The following ZNF787 variants were observed in gnomAD, a reference collection of about 807,000 sequenced individuals.
ZNF787 encodes zinc finger protein 787, also known as TTF-I-interacting peptide 20.
ZNF787 carries 7 observed loss-of-function variants against 16.9 expected under a neutral mutation model. The observed-to-expected ratio is 0.42, with a 90% CI of 0.24 to 0.78. The LOEUF (loss-of-function observed/expected upper bound fraction) is 0.78, where lower values mean the gene tolerates loss of function less well. Among genes scored for constraint, ZNF787 ranks in the 30% least tolerant of loss-of-function variants. The pLI, the probability that ZNF787 is intolerant of heterozygous loss-of-function variation, is 0.30. For synonymous variants in ZNF787, 345 were observed against 270.9 expected (o/e 1.27, Z -2.69); for missense variants, 551 against 589.3 (o/e 0.94, Z 0.67).
intron 2 of ZNF787, among the ~76,000 whole-genome samples, chr19:56,095,320 G>A (rs554581983): frequency 1.3e-5 from 2 of 152,312 alleles, no homozygotes; most frequent in African/African-American, 4.8e-5. Context: ...TGGGGACCCT[G>A]TACTAAATGA....
intron 1 of ZNF787, among the ~76,000 whole-genome samples, chr19:56,109,009 G>A (rs1033327280): frequency 4.6e-5 from 7 of 151,760 alleles, no homozygotes; most frequent in African/African-American, 1.7e-4. Context: ...AGAGACCCAC[G>A]CCGGGGAGGT....
Position 56,087,797 on chromosome 19 carries a change from CGGGCCAGGCTGAG to C in ZNF787, c.*213_*225del, listed in dbSNP as rs1313782695. 6.2e-6 allele frequency: 4 copies of C among 647,864 alleles called. No homozygotes were observed. The highest frequency in any genetic ancestry group is 8.6e-6 in the Non-Finnish European group (4 of 465,404). 40.1% of individuals were successfully genotyped at this position (647,864 alleles called of 1,614,324 possible). On this transcript the variant is annotated 3_prime_UTR_variant, in exon 3 of 3. Transcript: ENST00000610935. ...TCGCAGGCCGATAACTTAGGAAGGG[CGGGCCAGGCTGAG>C]GGGGCAGAGTCTCGAGGCGGAGAAG...
intron 2 of ZNF787, chr19:56,101,632 G>A (rs182114033): frequency 3.9e-5 from 6 of 152,296 alleles, no homozygotes; most frequent in Admixed American, 3.3e-4. Flanking sequence ...GCTTCCTGTA[G>A]GGCTTTTTCT....
chr19:56,116,428 T>C (rs992126294), intron 1 of ZNF787, among the ~76,000 whole-genome samples: 1 of 151,592 alleles, frequency 6.6e-6, no homozygotes, highest in African/African-American at 2.4e-5. Context: ...GGCGACGGAG[T>C]GAGATTCTGT....
intron 2 of ZNF787, among the ~76,000 whole-genome samples, chr19:56,097,829 T>TA (rs1985928127): frequency 1.3e-5 from 2 of 151,648 alleles, no homozygotes. Flanking sequence ...GTGCCACGTC[T>TA]CTCAGGGGCC....
intron 2 of ZNF787, among the ~76,000 whole-genome samples, chr19:56,092,022 G>GCCGAAA (rs796157914): frequency 0.051 from 1,167 of 22,800 alleles, 15 homozygotes; most frequent in African/African-American, 0.065. Context: ...CGAAACCGAA[G>GCCGAAA]CCGAAGCCGA....
At chr19:56,103,474 C>T (rs1986183750) in intron 1 of ZNF787, 2 of 418,880 alleles carry the variant, frequency 4.8e-6, no homozygotes, top group Non-Finnish European at 8.4e-6. Context: ...GGGCTACAAC[C>T]ACCGCCAGTT....
At chr19:56,093,414 G>A (rs1421188333) in intron 2 of ZNF787, among the ~76,000 whole-genome samples, 2 of 152,114 alleles carry the variant, frequency 1.3e-5, no homozygotes, top group Non-Finnish European at 2.9e-5. Context: ...GGGTAACAAT[G>A]CTACTGCTAC....
intron 2 of ZNF787, chr19:56,102,826 AG>A (rs1220108366): frequency 1.4e-6 from 1 of 690,152 alleles, no homozygotes; most frequent in African/African-American, 1.8e-5. Flanking sequence ...GGGGAGAGGA[AG>A]GGGGCACCCT....
chr19:56,090,374 GA>G (rs1985527308), intron 2 of ZNF787, among the ~76,000 whole-genome samples: 1 of 152,080 alleles, frequency 6.6e-6, no homozygotes, highest in Non-Finnish European at 1.5e-5. Context: ...CGCATTAGTA[GA>G]CTGGGTCCAA....
intron 1 of ZNF787, among the ~76,000 whole-genome samples, chr19:56,108,731 T>A (rs558827451): frequency 4.8e-4 from 73 of 151,940 alleles, no homozygotes; most frequent in African/African-American, 1.7e-3. Context: ...ATCCCAACAC[T>A]CAGCCCCTCG....
At chr19:56,119,155 G>A (rs2030218116) in intron 1 of ZNF787, among the ~76,000 whole-genome samples, 2 of 152,146 alleles carry the variant, frequency 1.3e-5, no homozygotes, top group South Asian at 4.1e-4. Context: ...TGCACAGAAG[G>A]GCCTTGAGAT....
intron 2 of ZNF787, among the ~76,000 whole-genome samples, chr19:56,094,274 C>T (rs144252531): frequency 0.022 from 3,237 of 149,690 alleles, 112 homozygotes; most frequent in African/African-American, 0.075. Context: ...TCAAGTGATC[C>T]ACCCGCCTTG....
intron 2 of ZNF787, among the ~76,000 whole-genome samples, chr19:56,096,480 C>G (rs546807879): frequency 6.6e-6 from 1 of 151,584 alleles, no homozygotes; most frequent in Non-Finnish European, 1.5e-5. Context: ...TTTGGGAGGC[C>G]GAGGCGGGTG....
intron 2 of ZNF787, among the ~76,000 whole-genome samples, chr19:56,096,421 A>T (rs923373236): frequency 2.0e-5 from 3 of 151,824 alleles, no homozygotes; most frequent in Non-Finnish European, 2.9e-5. Flanking sequence ...CCTGTCTCCA[A>T]AAAATAAAAA....
chr19:56,098,368 A>T (rs918701678), intron 2 of ZNF787, among the ~76,000 whole-genome samples: 1 of 151,828 alleles, frequency 6.6e-6, no homozygotes, highest in Non-Finnish European at 1.5e-5. Flanking sequence ...CTCCTCTCAC[A>T]CTCCTCAGAA....
In ZNF787 at chr19:56,098,583, A is replaced by G. The variant is rs511291; in HGVS notation, c.79+4556T>C. On this transcript the variant is annotated intron_variant, in intron 2 of 2. Coordinates refer to ENST00000610935, the MANE Select transcript of ZNF787 (RefSeq NM_001002836.4). ...ATGGAGCCTAGGTGATACGGCCACCAGGTGATTACGGCCGCAGGGTGATGC... is the reference window on the plus strand; with the variant it reads ...ATGGAGCCTAGGTGATACGGCCACCGGGTGATTACGGCCGCAGGGTGATGC... Among the ~76,000 whole-genome samples, 246 of 122,730 alleles carry G rather than the reference A, an allele frequency of 2.0e-3. 16 individuals carry two copies. The highest frequency in any genetic ancestry group is 8.3e-3 in the African/African-American group (224 of 27,022). 80.5% of individuals were successfully genotyped at this position (122,730 alleles called of 152,430 possible).
intron 1 of ZNF787, among the ~76,000 whole-genome samples, chr19:56,118,023 A>G (rs1243985946): frequency 6.6e-6 from 1 of 152,256 alleles, no homozygotes; most frequent in East Asian, 1.9e-4. Flanking sequence ...GGAAAACGTC[A>G]CGAAAAACAG....
rs1985318812 is a variant in ZNF787 at position 56,087,617 on chromosome 19, CCT to C, written c.*404_*405del. 6.1e-6 allele frequency: 1 copy of C among 164,124 alleles called. No homozygotes were observed. Among genetic ancestry groups the C allele is most frequent in the South Asian group, 2.0e-4 (1 of 4,968 alleles). The allele number at this position is 164,124 out of a possible 1,614,324, so 10.2% of individuals were successfully genotyped here. A position where few individuals can be genotyped will look rare whatever the true frequency, so the allele number is the denominator to read the frequency against. On this transcript the variant is annotated 3_prime_UTR_variant, in exon 3 of 3. Coordinates refer to ENST00000610935, the MANE Select transcript of ZNF787 (RefSeq NM_001002836.4). ...GAGAAAAGGGCCCCTGGTTCTCTTC[CCT>C]CTCTGGGATCCTCTAAAGGGCCTGG...
Sources: gnomAD v4.1 joint callset for allele counts (sites outside exome capture counted in the v4.1 genomes callset) on GRCh38, gnomAD v4.1.1 for gene constraint, MANE v1.5 for transcripts, NCBI Gene and HGNC (gene_info 2026-07-23, HGNC 2026-07-21) for gene names.